Variants in ZNF385D observed in about 807,000 individuals in gnomAD.
The protein encoded by ZNF385D is zinc finger protein 659.
A neutral mutation model predicts 35.8 loss-of-function variants in ZNF385D; 15 were observed. That is an observed-to-expected ratio of 0.42 (90% CI 0.28 to 0.64). The LOEUF (loss-of-function observed/expected upper bound fraction) is 0.64. Among genes scored for constraint, ZNF385D ranks in the 30% least tolerant of loss-of-function variants. The pLI, the probability that ZNF385D is intolerant of heterozygous loss-of-function variation, is 0.23. For synonymous variants in ZNF385D, 212 were observed against 186.8 expected (o/e 1.13, Z -1.10); for missense variants, 474 against 494.6 (o/e 0.96, Z 0.39).
intron 3 of ZNF385D, among the ~76,000 whole-genome samples, chr3:22,099,334 T>C (rs1701803129): frequency 6.6e-6 from 1 of 152,114 alleles, no homozygotes; most frequent in African/African-American, 2.4e-5. Context: ...AGGTTTGGAA[T>C]AGTCATGTAG....
chr3:21,818,195 G>A (rs1355820146), intron 3 of ZNF385D, among the ~76,000 whole-genome samples: 1 of 152,094 alleles, frequency 6.6e-6, no homozygotes, highest in Non-Finnish European at 1.5e-5. Context: ...GGTGGGGATG[G>A]GGGAGGGATA....
chr3:22,082,101 C>T (rs544235425), intron 3 of ZNF385D, among the ~76,000 whole-genome samples: 31 of 149,438 alleles, frequency 2.1e-4, no homozygotes, highest in Admixed American at 4.1e-4. Context: ...TGTCTGAATA[C>T]GAACAGCTCT....
chr3:21,721,033 A>G lies in ZNF385D; in HGVS notation c.22+29862T>C, dbSNP rs909490877. ...CTTCTATTTAATTTTTAAAAAACAT[A>G]TCCTTTCTTATCAAAAGAAAGTTGT... On this transcript the variant is annotated intron_variant, in intron 1 of 7. Transcript: ENST00000281523. Among the ~76,000 whole-genome samples, 6 of 152,248 alleles carry G rather than the reference A, an allele frequency of 3.9e-5. No individual in the cohort carries two copies. The East Asian group carries it at 1.2e-3, about 29-fold the overall frequency.
At chr3:21,499,585 A>G (rs1309886210) in intron 4 of ZNF385D, among the ~76,000 whole-genome samples, 1 of 151,940 alleles carries the variant, frequency 6.6e-6, no homozygotes, top group Non-Finnish European at 1.5e-5. Flanking sequence ...GTGACATGCA[A>G]TTTACCTGTA....
At chr3:21,867,557 CT>C (rs1303385622) in intron 3 of ZNF385D, among the ~76,000 whole-genome samples, 6 of 152,148 alleles carry the variant, frequency 3.9e-5, no homozygotes. Context: ...TCTTGATTTA[CT>C]CTATTTGCAT....
intron 3 of ZNF385D, among the ~76,000 whole-genome samples, chr3:21,767,969 T>C (rs1276089707): frequency 6.6e-6 from 1 of 152,116 alleles, no homozygotes; most frequent in African/African-American, 2.4e-5. Context: ...ATCTTATTTT[T>C]ACATTGTCCT....
intron 3 of ZNF385D, among the ~76,000 whole-genome samples, chr3:21,846,376 T>C (rs1696006924): frequency 6.6e-6 from 1 of 152,056 alleles, no homozygotes; most frequent in African/African-American, 2.4e-5. Context: ...GTAGGAATAG[T>C]GCTTTTAAAA....
chr3:21,828,457 G>C (rs1694793028), intron 3 of ZNF385D, among the ~76,000 whole-genome samples: 1 of 152,104 alleles, frequency 6.6e-6, no homozygotes, highest in Admixed American at 6.5e-5. Context: ...GGATTTTGTA[G>C]GTTTTAAAAT....
At chr3:22,292,195 T>C (rs531210530) in intron 2 of ZNF385D, among the ~76,000 whole-genome samples, 2 of 152,200 alleles carry the variant, frequency 1.3e-5, no homozygotes, top group East Asian at 1.9e-4. Flanking sequence ...TATCATAAAC[T>C]TTTGAAGACT....
chr3:21,497,104 C>T (rs1705959438), intron 4 of ZNF385D, among the ~76,000 whole-genome samples: 1 of 152,112 alleles, frequency 6.6e-6, no homozygotes, highest in Admixed American at 6.6e-5. Flanking sequence ...GAGAAGAATT[C>T]AAACTATCCC....
At chr3:21,430,064 T>C (rs1317127454) in intron 5 of ZNF385D, among the ~76,000 whole-genome samples, 1 of 152,120 alleles carries the variant, frequency 6.6e-6, no homozygotes, top group Non-Finnish European at 1.5e-5. Flanking sequence ...TGTGTTCTTT[T>C]AAAAATCTCT....
At chr3:22,164,291 C>G (rs917012567) in intron 3 of ZNF385D, among the ~76,000 whole-genome samples, 1 of 130,444 alleles carries the variant, frequency 7.7e-6, no homozygotes, top group African/African-American at 2.8e-5. Flanking sequence ...TACAATGGTG[C>G]TATCTCGGCT....
chr3:21,501,668 T>C (rs1312718521), intron 4 of ZNF385D, among the ~76,000 whole-genome samples: 1 of 152,252 alleles, frequency 6.6e-6, no homozygotes, highest in African/African-American at 2.4e-5. Flanking sequence ...TCAACTCTTT[T>C]GTAATATTTA....
At chr3:22,153,546 C>T (rs528766067) in intron 3 of ZNF385D, among the ~76,000 whole-genome samples, 1 of 148,606 alleles carries the variant, frequency 6.7e-6, no homozygotes, top group South Asian at 2.1e-4. Context: ...TCACTGCAAA[C>T]TCCCCCTCCT....
At chr3:22,318,112 A>C (rs115841697) in intron 2 of ZNF385D, among the ~76,000 whole-genome samples, 1 of 152,066 alleles carries the variant, frequency 6.6e-6, no homozygotes. Context: ...AGAGTGCTCA[A>C]TGTGTTTTGG....
At chr3:21,868,008 C>G (rs567558459) in intron 3 of ZNF385D, among the ~76,000 whole-genome samples, 30 of 152,212 alleles carry the variant, frequency 2.0e-4, no homozygotes, top group African/African-American at 7.2e-4. Context: ...TAGCACAAAA[C>G]TGGCCTGCAA....
At chr3:21,761,869 CTTTTTTTTTTTTTTTTTTT>C (rs58790934) in intron 3 of ZNF385D, among the ~76,000 whole-genome samples, 1 of 77,190 alleles carries the variant, frequency 1.3e-5, no homozygotes, top group Non-Finnish European at 2.2e-5. Context: ...CATTTTCTTC[CTTTTTTTTTTTTTTTTTTT>C]TTTTTTTTTG....
At chr3:21,959,807 A>G (rs1289126050) in intron 3 of ZNF385D, among the ~76,000 whole-genome samples, 1 of 152,166 alleles carries the variant, frequency 6.6e-6, no homozygotes, top group Non-Finnish European at 1.5e-5. Flanking sequence ...AGAAAGAGAA[A>G]ATCTGCAAAA....
rs572673709 is a variant in ZNF385D, at chr3:22,143,394, C to T, written c.325+25423G>A. On this transcript the variant is annotated intron_variant, in intron 3 of 5. Coordinates refer to the ZNF385D transcript ENST00000494108. ...CCACCAAAATCGGGCATGTGTTTTA[C>T]GCATTTAAGTTAAAATAAAGACAAC... is the stretch of plus-strand genomic sequence containing the variant. Among the ~76,000 whole-genome samples the T allele has an allele frequency of 2.0e-5, 3 of 152,164 alleles. No individual in the cohort carries two copies. In the South Asian group the frequency reaches 6.2e-4, roughly 32 times the overall value.
Sources: allele counts gnomAD v4.1 joint callset (sites outside exome capture counted in the v4.1 genomes callset), GRCh38; gene constraint gnomAD v4.1.1; transcripts MANE v1.5; gene names NCBI Gene and HGNC (gene_info 2026-07-23, HGNC 2026-07-21).